Variants in GALNT13 observed in about 807,000 individuals in gnomAD.
The protein encoded by GALNT13 is UDP-GalNAc:polypeptide N-acetylgalactosaminyltransferase 13.
Under a neutral mutation model 64.2 loss-of-function variants are expected in GALNT13, and 28 were observed. The ratio of observed to expected loss-of-function variants is 0.44; its 90% CI spans 0.32 to 0.60. The LOEUF is 0.60. GALNT13 is among the 20% of genes least tolerant of loss of function. The pLI, the probability that GALNT13 is intolerant of heterozygous loss-of-function variation, is 0.05. For synonymous variants in GALNT13, 214 were observed against 224.6 expected, an observed-to-expected ratio of 0.95 and a Z score of 0.42; for missense variants, 577 against 669.8, an observed-to-expected ratio of 0.86 and a Z score of 1.53.
chr2:153,386,644 C>T, the GALNT13 span, among the ~76,000 whole-genome samples: 1 of 152,124 alleles, frequency 6.6e-6, no homozygotes, highest in Admixed American at 6.6e-5. Context: ...AGACTTTACT[C>T]TCCGCTTGGA....
At chr2:154,211,628 C>T (rs1687769951) in intron 4 of GALNT13, among the ~76,000 whole-genome samples, 1 of 16,322 alleles carries the variant, frequency 6.1e-5, no homozygotes, top group Non-Finnish European at 1.1e-4. Context: ...AACTCCATCT[C>T]CAAAAAAAAA....
At chr2:153,778,247 T>C in the GALNT13 span, among the ~76,000 whole-genome samples, 1 of 152,210 alleles carries the variant, frequency 6.6e-6, no homozygotes, top group African/African-American at 2.4e-5. Context: ...TGTGTCTGCC[T>C]GCTACAGTCT....
At chr2:153,181,026 G>GTTTT in the GALNT13 span, among the ~76,000 whole-genome samples, 2 of 24,778 alleles carry the variant, frequency 8.1e-5, no homozygotes, top group African/African-American at 3.5e-4. Context: ...GGTTTTTATT[G>GTTTT]TTTCTTTTTT....
intron 1 of GALNT13, among the ~76,000 whole-genome samples, chr2:153,890,499 C>T (rs1006388977): frequency 4.6e-5 from 7 of 152,018 alleles, no homozygotes; most frequent in African/African-American, 1.2e-4. Flanking sequence ...AAAATTCACA[C>T]TGCACCCCAA....
At chr2:153,346,777 G>A in the GALNT13 span, among the ~76,000 whole-genome samples, 1 of 152,108 alleles carries the variant, frequency 6.6e-6, no homozygotes, top group Non-Finnish European at 1.5e-5. Flanking sequence ...CCTCTACAGT[G>A]TACCAGGTTC....
chr2:153,196,352 G>A, the GALNT13 span, among the ~76,000 whole-genome samples: 1 of 151,920 alleles, frequency 6.6e-6, no homozygotes, highest in African/African-American at 2.4e-5. Context: ...AGTCTAGAGG[G>A]GGCCAAGGTG....
At chr2:154,329,022 G>A (rs2105186698) in intron 9 of GALNT13, among the ~76,000 whole-genome samples, 1 of 152,070 alleles carries the variant, frequency 6.6e-6, no homozygotes, top group South Asian at 2.1e-4. Context: ...TTGACCTTAA[G>A]GTATTCTATA....
chr2:154,359,284 G>C (rs1696929360), intron 9 of GALNT13, among the ~76,000 whole-genome samples: 1 of 152,012 alleles, frequency 6.6e-6, no homozygotes, highest in Non-Finnish European at 1.5e-5. Context: ...AGCCACTAGG[G>C]AAAACTGAGA....
the GALNT13 span, among the ~76,000 whole-genome samples, chr2:153,625,806 T>A: frequency 6.6e-6 from 1 of 152,156 alleles, no homozygotes; most frequent in Middle Eastern, 3.4e-3. Flanking sequence ...CTTCAGTCTG[T>A]GTTCAGAATG....
At chr2:153,893,413 CATG>C (rs1479756357) in intron 1 of GALNT13, among the ~76,000 whole-genome samples, 3 of 151,770 alleles carry the variant, frequency 2.0e-5, no homozygotes, top group Admixed American at 1.3e-4. Context: ...TGGATTATAA[CATG>C]ATATGTATTT....
the GALNT13 span, among the ~76,000 whole-genome samples, chr2:153,218,840 T>C: frequency 6.6e-6 from 1 of 152,228 alleles, no homozygotes; most frequent in Admixed American, 6.5e-5. Context: ...AAGAAAGTGG[T>C]CATGTTTTGT....
the GALNT13 span, among the ~76,000 whole-genome samples, chr2:153,781,733 T>A: frequency 6.6e-6 from 1 of 152,152 alleles, no homozygotes; most frequent in Non-Finnish European, 1.5e-5. Flanking sequence ...ATTTAACATT[T>A]TCTGTTGTTC....
At chr2:153,228,113 G>T in the GALNT13 span, among the ~76,000 whole-genome samples, 1 of 152,188 alleles carries the variant, frequency 6.6e-6, no homozygotes, top group Non-Finnish European at 1.5e-5. Flanking sequence ...GTAGAAGGGT[G>T]TAATGCAAAA....
the GALNT13 span, among the ~76,000 whole-genome samples, chr2:153,194,485 T>C: frequency 6.6e-6 from 1 of 152,316 alleles, no homozygotes; most frequent in African/African-American, 2.4e-5. Flanking sequence ...TCCTGAATTG[T>C]TCTGATTTTT....
chr2:154,094,437 G>T (rs931730311), intron 3 of GALNT13, among the ~76,000 whole-genome samples: 19 of 151,796 alleles, frequency 1.3e-4, no homozygotes, highest in African/African-American at 4.6e-4. Flanking sequence ...ATAACACAAT[G>T]GGATATAAAA....
At chr2:154,205,126 A>G (rs1687372354) in intron 4 of GALNT13, among the ~76,000 whole-genome samples, 1 of 152,144 alleles carries the variant, frequency 6.6e-6, no homozygotes, top group Admixed American at 6.6e-5. Context: ...TGTTCCCTTG[A>G]TACTGGGCTT....
intron 3 of GALNT13, among the ~76,000 whole-genome samples, chr2:154,066,981 A>G (rs1175883736): frequency 1.3e-5 from 2 of 152,070 alleles, no homozygotes; most frequent in African/African-American, 4.8e-5. Flanking sequence ...AAAAGTTAAA[A>G]AGGTTGGAGA....
chr2:153,265,634 T>C, the GALNT13 span, among the ~76,000 whole-genome samples: 1 of 152,202 alleles, frequency 6.6e-6, no homozygotes, highest in East Asian at 1.9e-4. Flanking sequence ...AACCAGGTAT[T>C]GTGATCTCTA....
the GALNT13 span, among the ~76,000 whole-genome samples, chr2:153,671,625 A>G: frequency 6.6e-5 from 10 of 152,234 alleles, no homozygotes; most frequent in African/African-American, 1.9e-4. Context: ...CATTGACACT[A>G]TGAAGAAACT....
Sources: gnomAD v4.1 joint callset for allele counts (sites outside exome capture counted in the v4.1 genomes callset) on GRCh38, gnomAD v4.1.1 for gene constraint, MANE v1.5 for transcripts, NCBI Gene and HGNC (gene_info 2026-07-23, HGNC 2026-07-21) for gene names.